The following ERC1 variants were observed in gnomAD, a reference collection of about 807,000 sequenced individuals.
The protein encoded by ERC1 is ELKS/RAB6-interacting/CAST family member 1, also known as RAB6 interacting protein 2.
In ERC1, 56 loss-of-function variants were observed where a neutral mutation model predicts 132.0. That is an observed-to-expected ratio of 0.42 (90% CI 0.34 to 0.53). The LOEUF (loss-of-function observed/expected upper bound fraction) is 0.53. Among genes scored for constraint, ERC1 ranks in the 20% least tolerant of loss-of-function variants. The pLI, the probability that ERC1 is intolerant of heterozygous loss-of-function variation, is 0.03. For missense variants in ERC1, 1,202 were observed against 1,349.9 expected, an observed-to-expected ratio of 0.89 and a Z score of 1.72; for synonymous variants, 478 against 476.1, an observed-to-expected ratio of 1.00 and a Z score of -0.05.
intron 7 of ERC1, among the ~76,000 whole-genome samples, chr12:1,125,210 G>A (rs1347074861): frequency 6.6e-6 from 1 of 151,778 alleles, no homozygotes; most frequent in Admixed American, 6.6e-5. Flanking sequence ...TAGCCAGGCT[G>A]GTCTCAATCT....
At chr12:1,347,129 G>A (rs929493726) in intron 15 of ERC1, among the ~76,000 whole-genome samples, 1 of 152,112 alleles carries the variant, frequency 6.6e-6, no homozygotes, top group African/African-American at 2.4e-5. Flanking sequence ...TTTTCACATG[G>A]ACCTTCGTTG....
rs2154357279 is a variant in ERC1, at chr12:1,329,413, C to G, written c.2780+39401C>G. Among the ~76,000 whole-genome samples, 3 of 119,502 alleles carry G rather than the reference C, an allele frequency of 2.5e-5. 1 individual carries two copies. The Middle Eastern group carries it at 0.015, about 598-fold the overall frequency. 78.4% of individuals were successfully genotyped at this position (119,502 alleles called of 152,430 possible). The stretch of plus-strand genomic sequence containing the variant: ...AATAGCCTAAATAAAATCAACTACA[C>G]ACGTATTAATAATGACCTTCTATCC... On this transcript the variant is annotated intron_variant, in intron 15 of 18. Transcript: ENST00000360905.
intron 7 of ERC1, among the ~76,000 whole-genome samples, chr12:1,130,302 C>T (rs1948630609): frequency 6.6e-6 from 1 of 152,152 alleles, no homozygotes; most frequent in African/African-American, 2.4e-5. Flanking sequence ...AGGGTTTTCA[C>T]ATAGAGAAAG....
At chr12:1,210,187 GA>G (rs1368237185) in intron 12 of ERC1, among the ~76,000 whole-genome samples, 5 of 152,216 alleles carry the variant, frequency 3.3e-5, no homozygotes, top group African/African-American at 1.2e-4. Flanking sequence ...TGCTTTCACA[GA>G]AACCTTCCTT....
chr12:1,116,196 A>G (rs2154210657), intron 7 of ERC1, 163 bp downstream of exon 7: 2 of 564,156 alleles, frequency 3.5e-6, no homozygotes, highest in Middle Eastern at 4.9e-4. Context: ...TAACCATCTT[A>G]TTTCAGTTGT....
At chr12:1,163,882 ATTT>A (rs1246765987) in intron 8 of ERC1, among the ~76,000 whole-genome samples, 1 of 151,930 alleles carries the variant, frequency 6.6e-6, no homozygotes, top group Admixed American at 6.6e-5. Flanking sequence ...CACCTGGCTA[ATTT>A]TTTTATTTTT....
chr12:1,244,772 G>A (rs1052576239), intron 13 of ERC1: 49 of 278,404 alleles, frequency 1.8e-4, no homozygotes, highest in Non-Finnish European at 3.1e-4. Context: ...GCCTGCCTCG[G>A]CCTCTACAAG....
intron 13 of ERC1, among the ~76,000 whole-genome samples, chr12:1,237,617 C>T (rs1047067396): frequency 3.9e-5 from 6 of 152,098 alleles, no homozygotes; most frequent in East Asian, 1.9e-4. Flanking sequence ...CATTTTGCAC[C>T]GGGGGAAATA....
intron 2 of ERC1, among the ~76,000 whole-genome samples, chr12:1,028,851 C>CT (rs748620568): frequency 0.16 from 21,650 of 138,928 alleles, 1,810 homozygotes; most frequent in Middle Eastern, 0.2. Flanking sequence ...CATATGTTAT[C>CT]TTTTTTTTTT....
At chr12:1,281,538 G>A (rs2078678071) in intron 14 of ERC1, among the ~76,000 whole-genome samples, 1 of 152,124 alleles carries the variant, frequency 6.6e-6, no homozygotes, top group South Asian at 2.1e-4. Context: ...ACTGCTGGAG[G>A]AAGAAAATGC....
intron 13 of ERC1, among the ~76,000 whole-genome samples, chr12:1,255,334 C>G (rs61903291): frequency 6.6e-6 from 1 of 152,140 alleles, no homozygotes; most frequent in African/African-American, 2.4e-5. Flanking sequence ...TTTGCTTAAT[C>G]CAGTCTATCG....
chr12:1,461,119 T>G (rs1020047165), intron 18 of ERC1, among the ~76,000 whole-genome samples: 11 of 152,026 alleles, frequency 7.2e-5, no homozygotes, highest in African/African-American at 2.4e-4. Flanking sequence ...TGTTGTAGAA[T>G]TTCCTTCTGG....
intron 15 of ERC1, among the ~76,000 whole-genome samples, chr12:1,305,520 G>GT (rs1594891428): frequency 6.6e-6 from 1 of 152,116 alleles, no homozygotes; most frequent in East Asian, 1.9e-4. Context: ...CCCCACCCCC[G>GT]TAAGTTATTT....
At chr12:1,432,547 G>A (rs2092827793) in intron 17 of ERC1, among the ~76,000 whole-genome samples, 1 of 152,226 alleles carries the variant, frequency 6.6e-6, no homozygotes, top group Non-Finnish European at 1.5e-5. Flanking sequence ...TCACAAGGAT[G>A]GGCATAATTA....
chr12:1,477,907 A>G (rs952187779), intron 18 of ERC1, among the ~76,000 whole-genome samples: 2 of 152,196 alleles, frequency 1.3e-5, no homozygotes, highest in African/African-American at 4.8e-5. Context: ...TACGAATTGT[A>G]TCTGTTTTGT....
chr12:1,296,579 A>G (rs1216576997), intron 15 of ERC1, among the ~76,000 whole-genome samples: 1 of 151,818 alleles, frequency 6.6e-6, no homozygotes, highest in Non-Finnish European at 1.5e-5. Context: ...ACAGCCAGCT[A>G]ATTTTGTATT....
chr12:1,372,367 G>A (rs1664573378), intron 16 of ERC1, among the ~76,000 whole-genome samples: 1 of 152,124 alleles, frequency 6.6e-6, no homozygotes, highest in South Asian at 2.1e-4. Flanking sequence ...TCAGGATTGG[G>A]TAAGCTCTGA....
chr12:1,427,167 A>G (rs1263596061), intron 17 of ERC1, among the ~76,000 whole-genome samples: 1 of 152,130 alleles, frequency 6.6e-6, no homozygotes, highest in African/African-American at 2.4e-5. Flanking sequence ...ACTCAAGCAG[A>G]CAAGAAAGGA....
At chr12:1,299,142 G>A (rs1012574727) in intron 15 of ERC1, among the ~76,000 whole-genome samples, 2 of 152,066 alleles carry the variant, frequency 1.3e-5, no homozygotes, top group African/African-American at 4.8e-5. Flanking sequence ...AAAGCAATCA[G>A]AAATATAGAA....
Sources: gnomAD v4.1 joint callset for allele counts (sites outside exome capture counted in the v4.1 genomes callset) on GRCh38, gnomAD v4.1.1 for gene constraint, MANE v1.5 for transcripts, NCBI Gene and HGNC (gene_info 2026-07-23, HGNC 2026-07-21) for gene names.